CAND2: variants seen among roughly 807,000 people sequenced by gnomAD.
CAND2 encodes cullin associated and neddylation dissociated 2 (putative).
In CAND2, 62 loss-of-function variants were observed where a neutral mutation model predicts 98.9. The observed-to-expected ratio is 0.63, with a 90% CI of 0.51 to 0.77. CAND2 has a LOEUF of 0.77. Among genes scored for constraint, CAND2 ranks in the 30% least tolerant of loss-of-function variants. The pLI, the probability that CAND2 is intolerant of heterozygous loss-of-function variation, is 0.00. For synonymous variants in CAND2, 770 were observed against 731.9 expected, an observed-to-expected ratio of 1.05 and a Z score of -0.84; for missense variants, 1,501 against 1,655.2, an observed-to-expected ratio of 0.91 and a Z score of 1.62.
intron 10 of CAND2, 76 bp from the exon 11 acceptor site, chr3:12,820,010 C>A: frequency 8.6e-7 from 1 of 1,168,220 alleles, no homozygotes; most frequent in Non-Finnish European, 1.3e-6. Context: ...GGGGGAGGAG[C>A]CTAAGCACCT....
rs146522098 is a variant in CAND2, at chr3:12,809,910, C to T, written c.492-149C>T. On this transcript the variant is annotated intron_variant, in intron 4 of 14. Coordinates refer to ENST00000456430, the MANE Select transcript of CAND2 (RefSeq NM_001162499.2). The stretch of plus-strand genomic sequence containing the variant: ...AACAAAAGTAATTAAAATAATTCCT[C>T]CTCACAGTTGCAGGGCACCTCTTTT... 1.4e-3 allele frequency: 1,171 copies of T among 816,228 alleles called. 8 individuals are homozygous for T. The African/African-American group carries it at 0.019, about 13-fold the overall frequency. The allele number at this position is 816,228 out of a possible 1,614,324, so 50.6% of individuals were successfully genotyped here. A position where few individuals can be genotyped will look rare whatever the true frequency, so the allele number is the denominator to read the frequency against.
At chr3:12,830,753 A>G (rs915796157) in intron 13 of CAND2, among the ~76,000 whole-genome samples, 19 of 152,178 alleles carry the variant, frequency 1.2e-4, no homozygotes, top group Non-Finnish European at 1.9e-4. Flanking sequence ...GTCTAGTTCT[A>G]GGGCACAGGG....
At chr3:12,810,628 A>AT (rs2061845015) in intron 5 of CAND2, among the ~76,000 whole-genome samples, 1 of 152,192 alleles carries the variant, frequency 6.6e-6, no homozygotes, top group Admixed American at 6.5e-5. Context: ...GGTTCAGAGA[A>AT]GGGGGTTGGT....
chr3:12,825,664 G>T, intron 12 of CAND2, 25 bp downstream of exon 12: 2 of 1,574,940 alleles, frequency 1.3e-6, no homozygotes, highest in East Asian at 2.3e-5. Context: ...TGGGGACCCA[G>T]GGGAAGCTGG....
At chr3:12,832,576 C>T (rs2062062792) in intron 14 of CAND2, 1 of 152,222 alleles carries the variant, frequency 6.6e-6, no homozygotes, top group African/African-American at 2.4e-5. Context: ...CACCCACAGT[C>T]CTTACCCATG....
chr3:12,810,175 C>G lies in CAND2; in HGVS notation c.608C>G (p.Ala203Gly). 6.5e-7 allele frequency: 1 copy of G among 1,531,180 alleles called. No homozygotes were observed. Among genetic ancestry groups the G allele is most frequent in the Non-Finnish European group, 8.7e-7 (1 of 1,144,612 alleles). 94.8% of individuals were successfully genotyped at this position (1,531,180 alleles called of 1,614,324 possible). A position where few individuals can be genotyped will look rare whatever the true frequency, so the allele number is the denominator to read the frequency against. ...GCGGTCGGAGCGCTTGGCCACCTGGCGGCCGCCTGCAGCACCGACCTCTTC... is the reference window on the plus strand; with the variant it reads ...GCGGTCGGAGCGCTTGGCCACCTGGGGGCCGCCTGCAGCACCGACCTCTTC... ...KRAVGALGHL[A>G]AACSTDLFVE... The change falls in exon 5 of 15, where the codon GCG becomes GGG. Residue 203 changes from alanine (A) to glycine (G), a missense_variant. This residue lies in a region of CAND2 where 1,427 missense variants were observed against 1,545.3 expected (regional missense o/e 0.92). Coordinates refer to ENST00000456430, the MANE Select transcript of CAND2 (RefSeq NM_001162499.2).
intron 14 of CAND2, among the ~76,000 whole-genome samples, chr3:12,832,956 G>T (rs747669257): frequency 6.6e-6 from 1 of 152,196 alleles, no homozygotes; most frequent in Non-Finnish European, 1.5e-5. Flanking sequence ...AAGGGAGTGT[G>T]GACTTGTGTC....
At chr3:12,822,707 C>T (rs1290018387) in intron 11 of CAND2, among the ~76,000 whole-genome samples, 1 of 152,158 alleles carries the variant, frequency 6.6e-6, no homozygotes, top group Non-Finnish European at 1.5e-5. Context: ...TCCAAGGAGT[C>T]CTGATTCCTT....
chr3:12,801,034 A>ATTTT (rs372893921), intron 1 of CAND2, among the ~76,000 whole-genome samples: 3 of 100,772 alleles, frequency 3.0e-5, no homozygotes, highest in African/African-American at 6.8e-5. Flanking sequence ...GGAAATCAGT[A>ATTTT]TTTTTTTTTT....
At chr3:12,823,654 C>T (rs990912141) in intron 11 of CAND2, among the ~76,000 whole-genome samples, 12 of 152,222 alleles carry the variant, frequency 7.9e-5, no homozygotes, top group South Asian at 2.1e-4. Flanking sequence ...GGCGTGAACC[C>T]GGGAGGCAGA....
chr3:12,799,013 C>T (rs571068583), intron 1 of CAND2, among the ~76,000 whole-genome samples: 8 of 152,158 alleles, frequency 5.3e-5, no homozygotes, highest in Middle Eastern at 3.4e-3. Flanking sequence ...CAGGAGGTGC[C>T]CCATTACCAC....
intron 10 of CAND2, 56 bp downstream of exon 10, chr3:12,817,932 T>C (rs1399054413): frequency 3.5e-6 from 5 of 1,441,596 alleles, no homozygotes; most frequent in Non-Finnish European, 4.6e-6. Flanking sequence ...AGTTTGCCAC[T>C]GAGCATCCAG....
Position 12,811,904 on chromosome 3 carries a change from CT to C in CAND2, c.758-1074del, listed in dbSNP as rs1235340740. 1.9e-3 allele frequency among the ~76,000 whole-genome samples: 252 copies of C among 134,276 alleles called. 1 individual carries two copies. The highest frequency in any genetic ancestry group is 5.1e-3 in the East Asian group (24 of 4,714). The allele number at this position is 134,276 out of a possible 152,430, so 88.1% of individuals were successfully genotyped here. A position where few individuals can be genotyped will look rare whatever the true frequency, so the allele number is the denominator to read the frequency against. Reference sequence around the variant, plus strand: ...ACCTTGGACTAAGCTTTTTTAACTTCTTTTTTTTTTTTCTTTTTGAGACTGA... The same window carrying C: ...ACCTTGGACTAAGCTTTTTTAACTTCTTTTTTTTTTTCTTTTTGAGACTGA... On this transcript the variant is annotated intron_variant, in intron 5 of 14. Transcript: ENST00000456430.
intron 3 of CAND2, 110 bp downstream of exon 3, chr3:12,807,570 A>G: frequency 8.9e-7 from 1 of 1,124,484 alleles, no homozygotes; most frequent in Non-Finnish European, 1.2e-6. Context: ...TTGAAGAGAC[A>G]TACCTGAGGT....
intron 4 of CAND2, 149 bp from the exon 5 acceptor site, chr3:12,809,910 C>A: frequency 1.2e-6 from 1 of 816,234 alleles, no homozygotes; most frequent in Non-Finnish European, 1.8e-6. Context: ...AATAATTCCT[C>A]CTCACAGTTG....
chr3:12,834,036 C>T lies in CAND2; in HGVS notation c.*54C>T. 1 of 1,417,342 alleles carries T rather than the reference C, an allele frequency of 7.1e-7. No individual in the cohort carries two copies. The highest frequency in any genetic ancestry group is 9.9e-7 in the Non-Finnish European group (1 of 1,005,934). 87.8% of individuals were successfully genotyped at this position (1,417,342 alleles called of 1,614,324 possible). Reference sequence around the variant, plus strand: ...TTAAGAGAAAGGAGCCCACCCAAGTCCGAGGCCTCCCCATCCCACCATCGC... The same window carrying T: ...TTAAGAGAAAGGAGCCCACCCAAGTTCGAGGCCTCCCCATCCCACCATCGC... On this transcript the variant is annotated 3_prime_UTR_variant, in exon 15 of 15. Coordinates refer to ENST00000456430, the MANE Select transcript of CAND2 (RefSeq NM_001162499.2).
intron 13 of CAND2, 81 bp from the exon 14 acceptor site, chr3:12,831,384 G>A (rs1237694979): frequency 9.2e-7 from 1 of 1,085,372 alleles, no homozygotes; most frequent in African/African-American, 1.5e-5. Flanking sequence ...TCAGTTGTGG[G>A]GCCTCTGCTC....
Position 12,817,642 on chromosome 3 carries a change from A to G in CAND2, c.2710A>G (p.Ile904Val), listed in dbSNP as rs2124857313. 6.2e-7 allele frequency: 1 copy of G among 1,613,208 alleles called. No homozygotes were observed. Among genetic ancestry groups the G allele is most frequent in the East Asian group, 2.2e-5 (1 of 44,878 alleles). ...PDFLPFLLEQ[I>V]EAEPRRQYLL... ...CTTCCTGCCCTTCCTGCTGGAGCAGATCGAGGCTGAGCCCCGACGACAGTA... is the reference window on the plus strand; with the variant it reads ...CTTCCTGCCCTTCCTGCTGGAGCAGGTCGAGGCTGAGCCCCGACGACAGTA... Residue 904 changes from isoleucine (I) to valine (V), a missense_variant, in exon 10 of 15, where the codon ATC becomes GTC. By Grantham distance (29) the Ile-to-Val change is conservative. Coordinates refer to ENST00000456430, the MANE Select transcript of CAND2 (RefSeq NM_001162499.2).
Position 12,815,241 on chromosome 3 carries a change from G to A in CAND2, c.1107G>A (p.Leu369=), listed in dbSNP as rs758554969. ...IAALISSRPD[L]LPDFHCTLAP... ...CCTTGATCAGCTCGCGGCCTGACCT[G>A]CTGCCCGATTTCCACTGCACCCTGG... is the stretch of plus-strand genomic sequence containing the variant. The change falls in exon 8 of 15, where the codon CTG becomes CTA. Residue 369 remains leucine, a synonymous_variant. Coordinates refer to ENST00000456430, the MANE Select transcript of CAND2 (RefSeq NM_001162499.2). The surrounding 1 kb of genome is among the most constrained non-coding windows in gnomAD (Gnocchi z 5.7). 8 of 1,613,882 alleles carry A rather than the reference G, an allele frequency of 5.0e-6. No homozygotes were observed. The highest frequency in any genetic ancestry group is 3.3e-5 in the Admixed American group (2 of 60,030).
Sources: allele counts gnomAD v4.1 joint callset (sites outside exome capture counted in the v4.1 genomes callset), GRCh38; gene constraint gnomAD v4.1.1; regional missense constraint gnomAD v4.1.1; non-coding constraint Gnocchi (gnomAD v3.1); transcripts MANE v1.5; gene names NCBI Gene and HGNC (gene_info 2026-07-23, HGNC 2026-07-21).